The following DLGAP1 variants were observed in gnomAD, a reference collection of about 807,000 sequenced individuals.
DLGAP1 encodes DLG associated protein 1, also known as disks large-associated protein 1.
In DLGAP1, 11 loss-of-function variants were observed where a neutral mutation model predicts 90.8. The observed-to-expected ratio is 0.12, with a 90% confidence interval of 0.08 to 0.20. DLGAP1 has a LOEUF of 0.20. Among genes scored for constraint, DLGAP1 ranks in the 10% least tolerant of loss-of-function variants. The probability of loss-of-function intolerance (pLI) is 1.00; values close to 1 mark genes in which losing one functional copy is unlikely to be tolerated. For missense variants in DLGAP1, 1,050 were observed against 1,333.8 expected, an observed-to-expected ratio of 0.79 and a Z score of 3.31; for synonymous variants, 558 against 540.7, an observed-to-expected ratio of 1.03 and a Z score of -0.44.
Position 3,880,088 on chromosome 18 carries a change from C to A in DLGAP1, c.-20G>T, listed in dbSNP as rs1599095742. The A allele has an allele frequency of 2.5e-6, 4 of 1,595,524 alleles. No individual in the cohort carries two copies. Among genetic ancestry groups the A allele is most frequent in the Non-Finnish European group, 3.4e-6 (4 of 1,178,248 alleles). ...TTTCATGGCGGACCGGAAGCAGCCG[C>A]CAGGGTCATGGACACCCGGAAGTCA... On this transcript the variant is annotated 5_prime_UTR_variant, in exon 4 of 13. Transcript: ENST00000315677.
chr18:4,109,467 C>T (rs545385245), intron 2 of DLGAP1, among the ~76,000 whole-genome samples: 48 of 152,274 alleles, frequency 3.2e-4, no homozygotes, highest in African/African-American at 1.1e-3. Flanking sequence ...TAAAACATTC[C>T]ATGGTTACTG....
At chr18:3,863,181 T>G (rs2070187471) in intron 4 of DLGAP1, among the ~76,000 whole-genome samples, 1 of 152,206 alleles carries the variant, frequency 6.6e-6, no homozygotes, top group African/African-American at 2.4e-5. Context: ...TTTAATTCAT[T>G]GAAATTTACA....
intron 1 of DLGAP1, among the ~76,000 whole-genome samples, chr18:4,258,713 A>G (rs567976159): frequency 6.6e-6 from 1 of 152,242 alleles, no homozygotes; most frequent in East Asian, 1.9e-4. Context: ...TTAACTGATC[A>G]TCGTTCATTA....
chr18:3,652,390 C>T (rs2059346817), intron 7 of DLGAP1, among the ~76,000 whole-genome samples: 1 of 152,100 alleles, frequency 6.6e-6, no homozygotes, highest in Admixed American at 6.5e-5. Flanking sequence ...TGCAGTGGCG[C>T]AGTCATAGCT....
intron 2 of DLGAP1, among the ~76,000 whole-genome samples, chr18:4,145,450 C>T (rs1016369114): frequency 1.3e-5 from 2 of 152,092 alleles, no homozygotes; most frequent in African/African-American, 4.8e-5. Context: ...AAATCCTGGG[C>T]TAAGATTGAT....
Position 4,035,097 on chromosome 18 carries a change from T to C in DLGAP1, c.-158-29896A>G, listed in dbSNP as rs572918653. Among the ~76,000 whole-genome samples, 10 of 152,338 alleles carry C rather than the reference T, an allele frequency of 6.6e-5. 1 individual carries two copies. Among genetic ancestry groups the C allele is most frequent in the African/African-American group, 1.9e-4 (8 of 41,574 alleles). On this transcript the variant is annotated intron_variant, in intron 2 of 12. Transcript: ENST00000315677. ...TATCATGGATGGACATTTGGGCTGG[T>C]TCCAAGTCTTTGCTATTGTGAATAG...
intron 4 of DLGAP1, among the ~76,000 whole-genome samples, chr18:3,816,148 C>G (rs2067093681): frequency 6.6e-6 from 1 of 152,118 alleles, no homozygotes; most frequent in African/African-American, 2.4e-5. Context: ...GCATATTTTT[C>G]TGTTTTTCTC....
chr18:4,390,920 G>T (rs2082328192), intron 1 of DLGAP1, among the ~76,000 whole-genome samples: 1 of 152,076 alleles, frequency 6.6e-6, no homozygotes, highest in South Asian at 2.1e-4. Flanking sequence ...TGCTCCTCTT[G>T]GGCCTGCTCC....
intron 1 of DLGAP1, among the ~76,000 whole-genome samples, chr18:4,209,158 C>T (rs1482405028): frequency 6.6e-6 from 1 of 152,106 alleles, no homozygotes; most frequent in East Asian, 1.9e-4. Flanking sequence ...CTACCAGCAA[C>T]AGAAGGCAGG....
chr18:4,209,329 A>T (rs894342096), intron 1 of DLGAP1, among the ~76,000 whole-genome samples: 2 of 152,322 alleles, frequency 1.3e-5, no homozygotes, highest in East Asian at 1.9e-4. Flanking sequence ...TCCAGAAGAC[A>T]AAAGGGCCAT....
At chr18:4,326,498 C>T (rs767779285) in intron 1 of DLGAP1, among the ~76,000 whole-genome samples, 80 of 152,168 alleles carry the variant, frequency 5.3e-4, no homozygotes, top group Middle Eastern at 3.4e-3. Flanking sequence ...TGGATATATA[C>T]CCAAAGGAAT....
At chr18:3,948,445 A>G (rs540709941) in intron 3 of DLGAP1, among the ~76,000 whole-genome samples, 153 of 152,266 alleles carry the variant, frequency 1.0e-3, no homozygotes, top group Admixed American at 9.6e-3. Context: ...TCCTCTGCAT[A>G]TGCCTGTGAC....
At chr18:3,930,235 A>G (rs886780220) in intron 3 of DLGAP1, among the ~76,000 whole-genome samples, 1 of 152,090 alleles carries the variant, frequency 6.6e-6, no homozygotes, top group Non-Finnish European at 1.5e-5. Context: ...CTATTTTTCT[A>G]TTGACTTATA....
intron 3 of DLGAP1, among the ~76,000 whole-genome samples, chr18:3,961,407 C>G (rs927505031): frequency 2.0e-5 from 3 of 152,196 alleles, no homozygotes; most frequent in East Asian, 3.9e-4. Flanking sequence ...TTCTCTCCCT[C>G]CTCCCCGTCT....
At position 4,152,752 on chromosome 18, in the gene DLGAP1, A is replaced by G. The variant is rs184360473; in HGVS notation, c.-266-1465T>C. ...CCTCTTTATCCATGACATAGAAGAC[A>G]AAAATGAGACGCCATCATCAAAAGC... On this transcript the variant is annotated intron_variant, in intron 1 of 12. Coordinates refer to ENST00000315677, the MANE Select transcript of DLGAP1 (RefSeq NM_004746.4). Among the ~76,000 whole-genome samples, 13 of 152,326 alleles carry G rather than the reference A, an allele frequency of 8.5e-5. No individual in the cohort carries two copies. The East Asian group carries it at 2.3e-3, about 27-fold the overall frequency.
At chr18:4,270,184 T>C (rs938603704) in intron 1 of DLGAP1, among the ~76,000 whole-genome samples, 1 of 152,232 alleles carries the variant, frequency 6.6e-6, no homozygotes, top group Admixed American at 6.5e-5. Context: ...TCATCACTAA[T>C]ACAGGGTGGT....
chr18:3,976,219 AACG>A (rs146428270), intron 3 of DLGAP1, among the ~76,000 whole-genome samples: 13 of 73,020 alleles, frequency 1.8e-4, no homozygotes, highest in Non-Finnish European at 2.7e-4. Context: ...TAATAATAAT[AACG>A]ATAATTAGCC....
intron 7 of DLGAP1, among the ~76,000 whole-genome samples, chr18:3,641,951 C>T (rs1053487120): frequency 4.6e-5 from 7 of 152,172 alleles, no homozygotes; most frequent in Admixed American, 1.3e-4. Flanking sequence ...AATCTCTAAC[C>T]GGTCTCTGTG....
At chr18:4,210,915 C>T (rs1036338526) in intron 1 of DLGAP1, among the ~76,000 whole-genome samples, 6 of 152,120 alleles carry the variant, frequency 3.9e-5, no homozygotes, top group African/African-American at 9.7e-5. Flanking sequence ...TTGTGCAGGT[C>T]GGTGAGCTAG....
Sources: allele counts gnomAD v4.1 joint callset (sites outside exome capture counted in the v4.1 genomes callset), GRCh38; gene constraint gnomAD v4.1.1; transcripts MANE v1.5; gene names NCBI Gene and HGNC (gene_info 2026-07-23, HGNC 2026-07-21).